The following TBC1D8 variants were observed in gnomAD, a reference collection of about 807,000 sequenced individuals.
The protein encoded by TBC1D8 is TBC1 domain family member 8.
Under a neutral mutation model 118.8 loss-of-function variants are expected in TBC1D8, and 65 were observed. The ratio of observed to expected loss-of-function variants is 0.55; its 90% CI spans 0.45 to 0.67. The LOEUF is 0.67. Ranked by LOEUF, TBC1D8 falls within the 30% of genes least tolerant of loss-of-function variation. The pLI is 0.00. For synonymous variants in TBC1D8, 566 were observed against 595.8 expected (o/e 0.95, Z 0.73); for missense variants, 1,376 against 1,471.2 (o/e 0.94, Z 1.06).
At chr2:101,117,471 C>G (rs1215607013) in intron 1 of TBC1D8, among the ~76,000 whole-genome samples, 1 of 152,142 alleles carries the variant, frequency 6.6e-6, no homozygotes, top group African/African-American at 2.4e-5. Flanking sequence ...TTTACCTATT[C>G]CCCTGACCTG....
At chr2:101,143,155 C>T (rs1045206750) in intron 1 of TBC1D8, among the ~76,000 whole-genome samples, 1 of 151,572 alleles carries the variant, frequency 6.6e-6, no homozygotes, top group African/African-American at 2.4e-5. Flanking sequence ...CTCCGCCTCC[C>T]GGGTTCAAAC....
chr2:101,094,344 G>C (rs1558695805), intron 1 of TBC1D8, among the ~76,000 whole-genome samples: 2 of 152,176 alleles, frequency 1.3e-5, no homozygotes, highest in Non-Finnish European at 2.9e-5. Context: ...GTTGGGGACA[G>C]GGTTAAAGCT....
rs144990163 is a variant in TBC1D8 at position 101,009,821 on chromosome 2, C to CAT, written c.3015+1107_3015+1108insAT. Among the ~76,000 whole-genome samples the CAT allele has an allele frequency of 5.8e-3, 772 of 134,218 alleles. 22 individuals carry two copies. Among genetic ancestry groups the CAT allele is most frequent in the Middle Eastern group, 0.013 (3 of 228 alleles). 88.1% of individuals were successfully genotyped at this position (134,218 alleles called of 152,430 possible). The stretch of plus-strand genomic sequence containing the variant: ...TGACTTAAGTCCTATAAAAAAGGAG[C>CAT]TTTTTCTTTTTTTTTTTTGAGATGG... On this transcript the variant is annotated intron_variant, in intron 19 of 19. Transcript: ENST00000409318.
chr2:101,083,153 C>T (rs1044325993), intron 2 of TBC1D8, among the ~76,000 whole-genome samples: 2 of 152,076 alleles, frequency 1.3e-5, no homozygotes, highest in Non-Finnish European at 2.9e-5. Context: ...ACTGCTGAGA[C>T]TCCCCTCCTT....
intron 1 of TBC1D8, among the ~76,000 whole-genome samples, chr2:101,130,345 C>T (rs1412995604): frequency 6.6e-6 from 1 of 152,208 alleles, no homozygotes; most frequent in Non-Finnish European, 1.5e-5. Context: ...CGCCCTGAGG[C>T]CCACTGCAGG....
intron 1 of TBC1D8, among the ~76,000 whole-genome samples, chr2:101,101,865 G>A (rs35033622): frequency 0.15 from 22,817 of 151,968 alleles, 1,878 homozygotes; most frequent in Middle Eastern, 0.25. Context: ...TGGACACAGA[G>A]AGGGGAACAA....
chr2:101,137,665 C>G (rs1368192806), intron 1 of TBC1D8, among the ~76,000 whole-genome samples: 1 of 152,160 alleles, frequency 6.6e-6, no homozygotes, highest in Non-Finnish European at 1.5e-5. Flanking sequence ...TAACAAAATA[C>G]TAAATACATC....
rs115327973 is a variant in TBC1D8 at position 101,017,192 on chromosome 2, A to G, written c.2827+4489T>C. ...TCCCAACTGAAGGTCTTCATGGGCA[A>G]TAACACACACAAAGCTGTCCTCTCC... On this transcript the variant is annotated intron_variant, in intron 17 of 19. Transcript: ENST00000409318. Among the ~76,000 whole-genome samples, 162 of 152,214 alleles carry G rather than the reference A, an allele frequency of 1.1e-3. 1 individual carries two copies. The highest frequency in any genetic ancestry group is 3.7e-3 in the African/African-American group (152 of 41,510).
intron 10 of TBC1D8, chr2:101,032,709 G>A (rs1680745451): frequency 8.3e-6 from 2 of 241,608 alleles, no homozygotes; most frequent in Non-Finnish European, 1.6e-5. Context: ...ATGCACACAC[G>A]TGCACACACA....
At position 101,021,718 on chromosome 2, in the gene TBC1D8, C is replaced by G. The variant is rs777430537; in HGVS notation, c.2790G>C (p.Glu930Asp). 1 of 1,597,136 alleles carries G rather than the reference C, an allele frequency of 6.3e-7. No homozygotes were observed. The highest frequency in any genetic ancestry group is 1.7e-5 in the Admixed American group (1 of 57,942). Residue 930 changes from glutamate to aspartate, a missense_variant, in exon 17 of 20, where the codon GAG (glutamate) becomes GAC (aspartate). Glu to Asp is a conservative substitution (Grantham distance 45). Coordinates refer to ENST00000409318, the MANE Select transcript of TBC1D8 (RefSeq NM_001330348.2). ...LDIMYNGEMN[E>D]KIKLLYRLHI... is the part of the protein sequence containing the mutation. ...GAAGCCTGTATAATAGTTTAATCTT[C>G]TCATTCATTTCTCCATTATACATAA... is the stretch of plus-strand genomic sequence containing the variant.
At chr2:101,069,185 C>T (rs1221179109) in intron 2 of TBC1D8, among the ~76,000 whole-genome samples, 1 of 151,530 alleles carries the variant, frequency 6.6e-6, no homozygotes. Flanking sequence ...GTAGTCTACT[C>T]GGGAGGCTGA....
chr2:101,142,153 C>T (rs1679132000), intron 1 of TBC1D8, among the ~76,000 whole-genome samples: 1 of 152,138 alleles, frequency 6.6e-6, no homozygotes, highest in African/African-American at 2.4e-5. Context: ...CCACTTGCCT[C>T]AGCCTCCCAA....
chr2:101,038,080 G>A (rs1247294290), intron 7 of TBC1D8, among the ~76,000 whole-genome samples: 1 of 152,140 alleles, frequency 6.6e-6, no homozygotes, highest in Non-Finnish European at 1.5e-5. Flanking sequence ...GTGAAAAGAG[G>A]TTGAGAAAGA....
chr2:101,020,757 T>C (rs1277453962), intron 17 of TBC1D8, among the ~76,000 whole-genome samples: 1 of 152,198 alleles, frequency 6.6e-6, no homozygotes, highest in Non-Finnish European at 1.5e-5. Flanking sequence ...AACTGCATGC[T>C]GCTCTGAGTA....
chr2:101,015,085 CCTA>C (rs1423705966), intron 17 of TBC1D8, among the ~76,000 whole-genome samples: 1 of 152,182 alleles, frequency 6.6e-6, no homozygotes, highest in African/African-American at 2.4e-5. Flanking sequence ...GATGCTGTAG[CCTA>C]CTACACACCT....
chr2:101,048,536 T>G (rs912565600), intron 5 of TBC1D8, among the ~76,000 whole-genome samples: 1 of 152,174 alleles, frequency 6.6e-6, no homozygotes, highest in Non-Finnish European at 1.5e-5. Context: ...TCAAGAGCAT[T>G]TGTGTTTGAT....
chr2:101,118,696 CAAA>C (rs36069912), intron 1 of TBC1D8, among the ~76,000 whole-genome samples: 1 of 80,556 alleles, frequency 1.2e-5, no homozygotes, highest in African/African-American at 4.8e-5. Flanking sequence ...AACTCCATCT[CAAA>C]AAAAAAAAAA....
intron 2 of TBC1D8, among the ~76,000 whole-genome samples, chr2:101,067,036 A>G (rs2105432095): frequency 6.6e-6 from 1 of 151,016 alleles, no homozygotes; most frequent in Admixed American, 6.6e-5. Context: ...GAATCCTCCC[A>G]TCTCCTCTCT....
intron 1 of TBC1D8, among the ~76,000 whole-genome samples, chr2:101,142,454 T>A (rs1416431524): frequency 5.9e-5 from 9 of 152,112 alleles, no homozygotes; most frequent in African/African-American, 2.2e-4. Flanking sequence ...TATACCTGTG[T>A]GAACACTACA....
Sources: allele counts gnomAD v4.1 joint callset (sites outside exome capture counted in the v4.1 genomes callset), GRCh38; gene constraint gnomAD v4.1.1; transcripts MANE v1.5; gene names NCBI Gene and HGNC (gene_info 2026-07-23, HGNC 2026-07-21).